Variants in DPY19L3 observed in about 807,000 individuals in gnomAD.
DPY19L3 encodes protein C-mannosyl-transferase DPY19L3.
Under a neutral mutation model 92.3 loss-of-function variants are expected in DPY19L3, and 51 were observed. That is an observed-to-expected ratio of 0.55 (90% CI 0.44 to 0.70). The LOEUF (loss-of-function observed/expected upper bound fraction) is 0.70. DPY19L3 is among the 30% of genes least tolerant of loss of function. DPY19L3 has a pLI of 0.00. For synonymous variants in DPY19L3, 309 were observed against 315.2 expected (o/e 0.98, Z 0.21); for missense variants, 706 against 855.9 (o/e 0.82, Z 2.18).
Position 32,483,993 on chromosome 19 carries a change from C to G in DPY19L3, c.*1753C>G, listed in dbSNP as rs1970738177. 1 of 152,528 alleles carries G rather than the reference C, an allele frequency of 6.6e-6. No individual in the cohort carries two copies. Among genetic ancestry groups the G allele is most frequent in the African/African-American group, 2.4e-5 (1 of 41,420 alleles). 9.4% of individuals were successfully genotyped at this position (152,528 alleles called of 1,614,324 possible). A position where few individuals can be genotyped will look rare whatever the true frequency, so the allele number is the denominator to read the frequency against. ...TTGTTTTCAAAATCCTCTGTTATGG[C>G]TATATTTAAATTTATTTTAAATATT... On this transcript the variant is annotated 3_prime_UTR_variant, in exon 19 of 19. Coordinates refer to ENST00000392250, the MANE Select transcript of DPY19L3 (RefSeq NM_001172774.2).
intron 3 of DPY19L3, among the ~76,000 whole-genome samples, chr19:32,426,456 A>T (rs1333490566): frequency 2.0e-5 from 3 of 152,142 alleles, no homozygotes; most frequent in Non-Finnish European, 4.4e-5. Flanking sequence ...GTCTCTCTCA[A>T]CTTTCGACAT....
chr19:32,440,929 CAG>C (rs1297371318), intron 8 of DPY19L3, among the ~76,000 whole-genome samples: 4 of 151,568 alleles, frequency 2.6e-5, no homozygotes, highest in African/African-American at 4.8e-5. Flanking sequence ...GGTGGGATGT[CAG>C]GGGTGGGGGC....
chr19:32,448,465 A>G (rs1415071460), intron 8 of DPY19L3, among the ~76,000 whole-genome samples: 1 of 152,232 alleles, frequency 6.6e-6, no homozygotes, highest in Non-Finnish European at 1.5e-5. Context: ...CTCAATCGCT[A>G]GTAGCCTACT....
At chr19:32,449,838 C>G (rs1176567705) in intron 8 of DPY19L3, among the ~76,000 whole-genome samples, 1 of 152,150 alleles carries the variant, frequency 6.6e-6, no homozygotes, top group East Asian at 1.9e-4. Flanking sequence ...AATAACTCTT[C>G]CTGACCTTGG....
intron 3 of DPY19L3, among the ~76,000 whole-genome samples, chr19:32,426,467 G>A (rs188519423): frequency 6.6e-6 from 1 of 152,308 alleles, no homozygotes; most frequent in Admixed American, 6.5e-5. Flanking sequence ...CTTTCGACAT[G>A]CTTTCCTCAC....
chr19:32,456,588 C>T (rs894664313), intron 10 of DPY19L3, among the ~76,000 whole-genome samples: 3 of 151,602 alleles, frequency 2.0e-5, no homozygotes, highest in Non-Finnish European at 4.4e-5. Context: ...TGTGTGCCAC[C>T]GCCCCTGGCT....
At chr19:32,426,216 C>T (rs534882870) in intron 3 of DPY19L3, among the ~76,000 whole-genome samples, 1 of 152,330 alleles carries the variant, frequency 6.6e-6, no homozygotes, top group East Asian at 1.9e-4. Flanking sequence ...CCTCTCTAGC[C>T]TTCACAGAAT....
At chr19:32,451,307 A>G (rs1969692251) in intron 8 of DPY19L3, among the ~76,000 whole-genome samples, 3 of 152,218 alleles carry the variant, frequency 2.0e-5, no homozygotes, top group Admixed American at 6.5e-5. Context: ...TGTGAAATCA[A>G]TATTATTTCT....
chr19:32,431,376 CAA>C (rs56168092), intron 3 of DPY19L3, among the ~76,000 whole-genome samples: 2 of 144,834 alleles, frequency 1.4e-5, no homozygotes, highest in Non-Finnish European at 1.5e-5. Flanking sequence ...AACTCCGTCT[CAA>C]AAAAAAAAAA....
At chr19:32,477,803 C>A in intron 17 of DPY19L3, 149 bp downstream of exon 17, 2 of 1,125,266 alleles carry the variant, frequency 1.8e-6, no homozygotes, top group Non-Finnish European at 2.5e-6. Flanking sequence ...CTGATAAAGG[C>A]ATACCTGACA....
intron 4 of DPY19L3, among the ~76,000 whole-genome samples, chr19:32,433,077 A>T (rs565439620): frequency 2.0e-5 from 3 of 152,254 alleles, no homozygotes; most frequent in African/African-American, 7.2e-5. Context: ...TTTTCTCATG[A>T]TCATTTTGGA....
At chr19:32,428,832 G>GTTT (rs756304557) in intron 3 of DPY19L3, among the ~76,000 whole-genome samples, 6 of 128,962 alleles carry the variant, frequency 4.7e-5, no homozygotes, top group African/African-American at 8.5e-5. Flanking sequence ...TTTTTTTTTT[G>GTTT]TTTTTTTTCT....
intron 3 of DPY19L3, among the ~76,000 whole-genome samples, chr19:32,419,236 C>T (rs1458299762): frequency 6.6e-6 from 1 of 150,878 alleles, no homozygotes; most frequent in East Asian, 2.0e-4. Context: ...TCTCGGCTCC[C>T]TGCAAGCTCC....
At chr19:32,464,320 A>G (rs1336628595) in intron 14 of DPY19L3, among the ~76,000 whole-genome samples, 2 of 145,796 alleles carry the variant, frequency 1.4e-5, no homozygotes, top group Non-Finnish European at 2.9e-5. Flanking sequence ...AATTATTTAT[A>G]TATGTATGAC....
At chr19:32,458,540 C>T (rs776439376) in intron 12 of DPY19L3, 31 bp downstream of exon 12, 24 of 1,579,596 alleles carry the variant, frequency 1.5e-5, no homozygotes, top group Non-Finnish European at 1.8e-5. Flanking sequence ...CTAATGCTCT[C>T]CTTTAATGAA....
intron 3 of DPY19L3, among the ~76,000 whole-genome samples, chr19:32,426,445 G>A (rs938994987): frequency 6.6e-6 from 1 of 152,140 alleles, no homozygotes; most frequent in Non-Finnish European, 1.5e-5. Flanking sequence ...CCTAGTTTTT[G>A]GTCTCTCTCA....
At chr19:32,407,627 A>G (rs1001307170) in intron 1 of DPY19L3, among the ~76,000 whole-genome samples, 1 of 152,178 alleles carries the variant, frequency 6.6e-6, no homozygotes, top group Non-Finnish European at 1.5e-5. Context: ...GAATGTCCCA[A>G]GATGTTCTGG....
intron 15 of DPY19L3, chr19:32,468,443 C>T (rs1052929074): frequency 9.3e-7 from 1 of 1,080,760 alleles, no homozygotes; most frequent in African/African-American, 1.7e-5. Context: ...ATTATCATCA[C>T]ATACAATAGC....
intron 18 of DPY19L3, chr19:32,480,992 C>T: frequency 2.5e-6 from 1 of 394,604 alleles, no homozygotes; most frequent in Non-Finnish European, 4.5e-6. Flanking sequence ...CCCTACCCCT[C>T]CTGCCCTCTC....
Sources: allele counts gnomAD v4.1 joint callset (sites outside exome capture counted in the v4.1 genomes callset), GRCh38; gene constraint gnomAD v4.1.1; transcripts MANE v1.5; gene names NCBI Gene and HGNC (gene_info 2026-07-23, HGNC 2026-07-21).